KCNH1: variants seen among roughly 807,000 people sequenced by gnomAD.
KCNH1 encodes the protein voltage-gated delayed rectifier potassium channel KCNH1.
A neutral mutation model predicts 69.2 loss-of-function variants in KCNH1; 27 were observed. The ratio of observed to expected loss-of-function variants is 0.39; its 90% CI spans 0.29 to 0.54. The LOEUF (loss-of-function observed/expected upper bound fraction) is 0.54. Ranked by LOEUF, KCNH1 falls within the 20% of genes least tolerant of loss-of-function variation. The pLI is 0.68. For synonymous variants in KCNH1, 456 were observed against 487.7 expected (o/e 0.93, Z 0.86); for missense variants, 798 against 1,261.6 (o/e 0.63, Z 5.57).
chr1:210,986,942 T>G (rs1688850433), intron 6 of KCNH1, among the ~76,000 whole-genome samples: 1 of 152,248 alleles, frequency 6.6e-6, no homozygotes, highest in African/African-American at 2.4e-5. Context: ...AGATTTGGTC[T>G]TTTCACATAG....
chr1:211,121,835 G>A (rs765056144), intron 1 of KCNH1, among the ~76,000 whole-genome samples: 4 of 152,152 alleles, frequency 2.6e-5, no homozygotes, highest in Non-Finnish European at 5.9e-5. Context: ...ATATTTACAA[G>A]AGAAAAACAA....
intron 6 of KCNH1, among the ~76,000 whole-genome samples, chr1:210,948,074 C>T (rs1257427572): frequency 1.3e-5 from 2 of 150,840 alleles, no homozygotes; most frequent in Non-Finnish European, 3.0e-5. Context: ...AAAATTAGCC[C>T]GAGTGTGGTG....
chr1:210,929,964 T>C (rs1687648698), intron 6 of KCNH1, among the ~76,000 whole-genome samples: 1 of 152,132 alleles, frequency 6.6e-6, no homozygotes, highest in Non-Finnish European at 1.5e-5. Flanking sequence ...CATAGGAATA[T>C]ACCTAACCAA....
Position 211,082,826 on chromosome 1 carries a change from C to T in KCNH1, c.512G>A (p.Ser171Asn), listed in dbSNP as rs772717752. Residue 171 changes from serine to asparagine, a missense_variant, in exon 5 of 11, where the codon AGC becomes AAC. By Grantham distance (46) the Ser-to-Asn change is conservative (BLOSUM62 1). Around this residue, in one of 4 missense-constraint regions of KCNH1, gnomAD observed 266 missense variants for 457.2 expected, o/e 0.58. Transcript: ENST00000271751. ...SRGVLQQLAP[S>N]VQKGENVHKH... ...GTGGACATTCTCGCCTTTTTGCACG[C>T]TTGGAGCCAGCTGCTGCAGGACACC... 1 of 1,614,176 alleles carries T rather than the reference C, an allele frequency of 6.2e-7. No individual in the cohort carries two copies. The highest frequency in any genetic ancestry group is 8.5e-7 in the Non-Finnish European group (1 of 1,180,012).
chr1:210,684,284 A>G (rs986825966), intron 10 of KCNH1, 146 bp from the exon 11 acceptor site: 6 of 740,136 alleles, frequency 8.1e-6, no homozygotes, highest in African/African-American at 1.8e-5. Context: ...ACAAGGCCTC[A>G]TGAGGCTTTT....
At chr1:210,861,929 G>A (rs927492316) in intron 7 of KCNH1, 11 of 765,906 alleles carry the variant, frequency 1.4e-5, no homozygotes, top group East Asian at 7.3e-5. Context: ...GGATAATCAC[G>A]TTTGGTGATG....
chr1:210,733,734 G>A (rs193078424), intron 10 of KCNH1, among the ~76,000 whole-genome samples: 1 of 152,116 alleles, frequency 6.6e-6, no homozygotes, highest in African/African-American at 2.4e-5. Flanking sequence ...GAGCTAGTCT[G>A]GGCAGGGCTG....
intron 1 of KCNH1, among the ~76,000 whole-genome samples, chr1:211,114,482 G>C (rs1691532087): frequency 6.6e-6 from 1 of 152,238 alleles, no homozygotes. Context: ...GTATGTCTGA[G>C]TAAATTTGCC....
At chr1:210,973,884 T>C (rs933055543) in intron 6 of KCNH1, among the ~76,000 whole-genome samples, 2 of 152,212 alleles carry the variant, frequency 1.3e-5, no homozygotes, top group African/African-American at 4.8e-5. Flanking sequence ...GGGATTTTTT[T>C]CCTTTGAATT....
At chr1:210,876,198 C>G (rs1195824015) in intron 7 of KCNH1, among the ~76,000 whole-genome samples, 1 of 152,144 alleles carries the variant, frequency 6.6e-6, no homozygotes, top group East Asian at 1.9e-4. Flanking sequence ...GCAAAGAGAA[C>G]TGACCCACCA....
chr1:210,827,836 G>C lies in KCNH1; in HGVS notation c.1463-23670C>G, dbSNP rs560800588. ...CCCTTCTGTGCCTCAGTTCTCTCTTGTTTTCTGTTTGTTTGTTTGTTTTTT... is the reference window on the plus strand; with the variant it reads ...CCCTTCTGTGCCTCAGTTCTCTCTTCTTTTCTGTTTGTTTGTTTGTTTTTT... On this transcript the variant is annotated intron_variant, in intron 7 of 10. Coordinates refer to ENST00000271751, the MANE Select transcript of KCNH1 (RefSeq NM_172362.3). Among the ~76,000 whole-genome samples, 344 of 152,114 alleles carry C rather than the reference G, an allele frequency of 2.3e-3. 5 individuals carry two copies. Among genetic ancestry groups the C allele is most frequent in the Middle Eastern group, 3.4e-3 (1 of 292 alleles).
chr1:210,818,223 G>T (rs1038408844), intron 7 of KCNH1, among the ~76,000 whole-genome samples: 42 of 152,244 alleles, frequency 2.8e-4, no homozygotes, highest in African/African-American at 9.6e-4. Flanking sequence ...TATTCATGAT[G>T]ATAAAAACTT....
chr1:211,095,434 T>C (rs1404871822), intron 3 of KCNH1, among the ~76,000 whole-genome samples: 3 of 152,208 alleles, frequency 2.0e-5, no homozygotes, highest in Non-Finnish European at 4.4e-5. Context: ...TCAGCCTTTT[T>C]AGATCACTCT....
At chr1:211,068,557 G>A (rs747940147) in intron 5 of KCNH1, among the ~76,000 whole-genome samples, 11 of 152,036 alleles carry the variant, frequency 7.2e-5, no homozygotes, top group South Asian at 2.1e-4. Context: ...CACCATGCCC[G>A]GCTAATTTTT....
chr1:210,751,752 A>C (rs1416915325), intron 10 of KCNH1, among the ~76,000 whole-genome samples: 1 of 152,150 alleles, frequency 6.6e-6, no homozygotes, highest in Non-Finnish European at 1.5e-5. Flanking sequence ...AGTAGCTTAA[A>C]TTATTGTTTA....
At chr1:210,844,321 G>A (rs971552956) in intron 7 of KCNH1, among the ~76,000 whole-genome samples, 2 of 151,940 alleles carry the variant, frequency 1.3e-5, no homozygotes. Flanking sequence ...AAGAGATCGA[G>A]ACCATCCTGG....
intron 5 of KCNH1, among the ~76,000 whole-genome samples, chr1:211,021,027 T>A (rs1689578984): frequency 6.6e-6 from 1 of 152,202 alleles, no homozygotes. Flanking sequence ...GATTGGAGAC[T>A]ATGATTCTAA....
At chr1:210,700,856 G>C (rs1320231274) in intron 10 of KCNH1, among the ~76,000 whole-genome samples, 3 of 151,944 alleles carry the variant, frequency 2.0e-5, no homozygotes, top group African/African-American at 7.2e-5. Context: ...ATGGTCTTTT[G>C]TTGTCTCAAA....
At chr1:210,934,376 T>C (rs941818619) in intron 6 of KCNH1, among the ~76,000 whole-genome samples, 1 of 152,182 alleles carries the variant, frequency 6.6e-6, no homozygotes, top group African/African-American at 2.4e-5. Context: ...GCAGATGGGC[T>C]GGGCGCGGTG....
Sources: gnomAD v4.1 joint callset for allele counts (sites outside exome capture counted in the v4.1 genomes callset) on GRCh38, gnomAD v4.1.1 for gene constraint, gnomAD v4.1.1 regional missense constraint, MANE v1.5 for transcripts, NCBI Gene and HGNC (gene_info 2026-07-23, HGNC 2026-07-21) for gene names.